Variants in LINGO2 observed in about 807,000 individuals in gnomAD.
LINGO2 encodes leucine-rich repeat and immunoglobulin-like domain-containing nogo receptor-interacting protein 2.
LINGO2 carries 14 observed loss-of-function variants against 30.6 expected under a neutral mutation model. The observed-to-expected ratio is 0.46, with a 90% confidence interval of 0.30 to 0.72. LINGO2 has a LOEUF of 0.72. LINGO2 is among the 30% of genes least tolerant of loss of function. LINGO2 has a pLI of 0.07. For synonymous variants in LINGO2, 317 were observed against 288.5 expected, an observed-to-expected ratio of 1.10 and a Z score of -1.00; for missense variants, 729 against 751.7, an observed-to-expected ratio of 0.97 and a Z score of 0.35.
chr9:28,193,903 G>C (rs898996708), intron 4 of LINGO2, among the ~76,000 whole-genome samples: 8 of 152,158 alleles, frequency 5.3e-5, no homozygotes, highest in Non-Finnish European at 8.8e-5. Context: ...CTTTACAGAG[G>C]GACAGTCTCC....
chr9:28,794,324 C>A, the LINGO2 span, among the ~76,000 whole-genome samples: 61,875 of 151,794 alleles, frequency 0.41, 13,622 homozygotes, highest in Middle Eastern at 0.54. Context: ...AAAACAAAAC[C>A]AAAACACACA....
intron 5 of LINGO2, among the ~76,000 whole-genome samples, chr9:27,961,869 A>G (rs1027875545): frequency 9.2e-5 from 14 of 152,100 alleles, no homozygotes; most frequent in Non-Finnish European, 2.1e-4. Flanking sequence ...TGGAGGGTGT[A>G]TGAGAGGAGA....
chr9:28,756,607 A>G, the LINGO2 span, among the ~76,000 whole-genome samples: 1 of 151,962 alleles, frequency 6.6e-6, no homozygotes, highest in South Asian at 2.1e-4. Context: ...AATCCCCATG[A>G]TCCCCACATG....
Position 28,259,894 on chromosome 9 carries a change from T to C in LINGO2, c.-87+35314A>G, listed in dbSNP as rs536056143. Among the ~76,000 whole-genome samples, 408 of 152,046 alleles carry C rather than the reference T, an allele frequency of 2.7e-3. 5 individuals are homozygous for C. The highest frequency in any genetic ancestry group is 4.9e-3 in the Non-Finnish European group (330 of 67,920). On this transcript the variant is annotated intron_variant, in intron 4 of 5. Transcript: ENST00000379992. ...TTCCTACTTCCAAAGCCTTGGTCAG[T>C]TGAGCCTCTCCTCTTGCACCAGCAA... is the stretch of plus-strand genomic sequence containing the variant.
intron 3 of LINGO2, among the ~76,000 whole-genome samples, chr9:28,350,472 C>G (rs1159776092): frequency 6.7e-6 from 1 of 149,064 alleles, no homozygotes; most frequent in Non-Finnish European, 1.5e-5. Context: ...TATATGCACC[C>G]AATACAGGAG....
intron 4 of LINGO2, among the ~76,000 whole-genome samples, chr9:28,101,506 C>G (rs754649410): frequency 2.6e-4 from 39 of 152,312 alleles, no homozygotes; most frequent in Non-Finnish European, 5.9e-5. Flanking sequence ...TAATACCTCA[C>G]AGTGTGAAGA....
chr9:28,070,007 C>T (rs928195330), intron 4 of LINGO2, among the ~76,000 whole-genome samples: 2 of 152,160 alleles, frequency 1.3e-5, no homozygotes, highest in Non-Finnish European at 2.9e-5. Flanking sequence ...ATGGGCAGTG[C>T]AGAGCAGCAT....
At chr9:28,127,927 GA>G (rs1350481847) in intron 4 of LINGO2, among the ~76,000 whole-genome samples, 2 of 152,124 alleles carry the variant, frequency 1.3e-5, no homozygotes, top group Admixed American at 6.6e-5. Context: ...CTTATATTAA[GA>G]AAATGGAAAT....
the LINGO2 span, among the ~76,000 whole-genome samples, chr9:28,791,427 A>T: frequency 9.9e-5 from 15 of 152,192 alleles, no homozygotes; most frequent in African/African-American, 3.6e-4. Context: ...AGACTATGTA[A>T]ATCACCTAGG....
chr9:28,476,825 T>C (rs570408245), intron 1 of LINGO2, among the ~76,000 whole-genome samples: 20 of 152,344 alleles, frequency 1.3e-4, no homozygotes, highest in African/African-American at 4.8e-4. Flanking sequence ...TTTAATATAA[T>C]GGACAAGTCA....
intron 4 of LINGO2, among the ~76,000 whole-genome samples, chr9:28,179,755 C>T (rs987819902): frequency 3.2e-4 from 48 of 148,156 alleles, no homozygotes; most frequent in African/African-American, 1.2e-3. Flanking sequence ...TAATCATTTA[C>T]AAAAACAGGC....
the LINGO2 span, among the ~76,000 whole-genome samples, chr9:28,727,371 C>T: frequency 3.9e-5 from 6 of 152,062 alleles, no homozygotes; most frequent in African/African-American, 7.2e-5. Flanking sequence ...CTGCAAGCTC[C>T]GCCTCCCAGG....
intron 4 of LINGO2, among the ~76,000 whole-genome samples, chr9:28,176,363 C>G (rs1828750520): frequency 6.6e-6 from 1 of 152,168 alleles, no homozygotes; most frequent in South Asian, 2.1e-4. Flanking sequence ...AAATGCAGCC[C>G]TTATTTCTAT....
intron 1 of LINGO2, among the ~76,000 whole-genome samples, chr9:28,579,751 C>A (rs73441498): frequency 0.049 from 7,377 of 152,090 alleles, 195 homozygotes; most frequent in African/African-American, 0.072. Flanking sequence ...TCAGATTTAG[C>A]TGAATTATTT....
chr9:29,037,319 A>C, the LINGO2 span, among the ~76,000 whole-genome samples: 2 of 151,988 alleles, frequency 1.3e-5, no homozygotes, highest in East Asian at 3.9e-4. Context: ...AAATTTTATT[A>C]ATTTGAAATT....
chr9:28,300,138 A>C (rs1456328270), intron 3 of LINGO2, among the ~76,000 whole-genome samples: 2 of 151,546 alleles, frequency 1.3e-5, no homozygotes, highest in South Asian at 2.1e-4. Context: ...AAAAAAAAAA[A>C]AAAAACAAAG....
intron 4 of LINGO2, among the ~76,000 whole-genome samples, chr9:28,026,721 T>C (rs1823395775): frequency 6.6e-6 from 1 of 152,232 alleles, no homozygotes. Flanking sequence ...CCCTCTGCCC[T>C]GTTTCTAGAT....
At chr9:28,533,923 G>A (rs574645424) in intron 1 of LINGO2, among the ~76,000 whole-genome samples, 1 of 152,074 alleles carries the variant, frequency 6.6e-6, no homozygotes, top group Non-Finnish European at 1.5e-5. Flanking sequence ...GGACTGCTAG[G>A]TTACAAATTA....
At chr9:29,191,628 A>C in the LINGO2 span, among the ~76,000 whole-genome samples, 441 of 152,222 alleles carry the variant, frequency 2.9e-3, 1 homozygote, top group African/African-American at 0.01. Flanking sequence ...GAAAACACGA[A>C]ACATTCTGGG....
Sources: gnomAD v4.1 joint callset for allele counts (sites outside exome capture counted in the v4.1 genomes callset) on GRCh38, gnomAD v4.1.1 for gene constraint, MANE v1.5 for transcripts, NCBI Gene and HGNC (gene_info 2026-07-23, HGNC 2026-07-21) for gene names.